Variants in LRRTM3 observed in about 807,000 individuals in gnomAD.
LRRTM3 encodes the protein leucine rich repeat transmembrane neuronal 3.
Under a neutral mutation model 44.7 loss-of-function variants are expected in LRRTM3, and 24 were observed. The ratio of observed to expected loss-of-function variants is 0.54; its 90% CI spans 0.39 to 0.76. The LOEUF (loss-of-function observed/expected upper bound fraction) is 0.76, where lower values mean the gene tolerates loss of function less well. Ranked by LOEUF, LRRTM3 falls within the 30% of genes least tolerant of loss-of-function variation. The pLI is 0.00. For synonymous variants in LRRTM3, 277 were observed against 278.7 expected, an observed-to-expected ratio of 0.99 and a Z score of 0.06; for missense variants, 587 against 702.2, an observed-to-expected ratio of 0.84 and a Z score of 1.85.
In LRRTM3 at chr10:67,098,011, G is replaced by C. The variant is rs1469451350; in HGVS notation, c.*215G>C. 3 of 561,844 alleles carry C rather than the reference G, an allele frequency of 5.3e-6. No individual in the cohort carries two copies. The highest frequency in any genetic ancestry group is 6.2e-5 in the Admixed American group (2 of 32,082). 34.8% of individuals were successfully genotyped at this position (561,844 alleles called of 1,614,324 possible). ...TTAGCTAAGTTGTGCAGTATTTTTTGACTTAAACAGAGTATGACCCTGAAA... is the reference window on the plus strand; with the variant it reads ...TTAGCTAAGTTGTGCAGTATTTTTTCACTTAAACAGAGTATGACCCTGAAA... On this transcript the variant is annotated 3_prime_UTR_variant, in exon 3 of 3. Transcript: ENST00000361320.
intron 2 of LRRTM3, among the ~76,000 whole-genome samples, chr10:67,048,659 T>C (rs1425107817): frequency 6.6e-6 from 1 of 152,094 alleles, no homozygotes; most frequent in African/African-American, 2.4e-5. Context: ...CAGAAAACCC[T>C]ATGACGCACT....
At chr10:67,000,049 G>A (rs12779109) in intron 2 of LRRTM3, among the ~76,000 whole-genome samples, 79,467 of 151,842 alleles carry the variant, frequency 0.52, 21,453 homozygotes, top group Middle Eastern at 0.73. Context: ...AACTACTGAA[G>A]CTTTAGTATA....
At chr10:67,060,343 A>G (rs548499399) in intron 2 of LRRTM3, among the ~76,000 whole-genome samples, 1 of 152,232 alleles carries the variant, frequency 6.6e-6, no homozygotes, top group African/African-American at 2.4e-5. Context: ...AAATTCTGTA[A>G]ATGTATACAA....
At chr10:66,993,995 T>C (rs554993269) in intron 2 of LRRTM3, among the ~76,000 whole-genome samples, 36 of 152,298 alleles carry the variant, frequency 2.4e-4, no homozygotes, top group African/African-American at 8.4e-4. Context: ...AGCAGGACAA[T>C]GTAACTTGGT....
At position 67,001,264 on chromosome 10, in the gene LRRTM3, GC is replaced by G. The variant is rs201784996; in HGVS notation, c.1536+72813del. ...TGCAGTGAGCCGAGATGGAGCCACT[GC>G]ACTCCAGCCTGACGACAGAGTGAGA... On this transcript the variant is annotated intron_variant, in intron 2 of 2. Transcript: ENST00000361320. 1.5e-3 allele frequency among the ~76,000 whole-genome samples: 213 copies of G among 146,896 alleles called. 3 individuals are homozygous for G. The highest frequency in any genetic ancestry group is 0.011 in the Admixed American group (156 of 14,490).
chr10:67,021,579 T>C (rs551294793), intron 2 of LRRTM3, among the ~76,000 whole-genome samples: 3 of 152,150 alleles, frequency 2.0e-5, no homozygotes, highest in South Asian at 4.1e-4. Flanking sequence ...ATTATAATCA[T>C]GAAAGTTATG....
At chr10:66,961,819 C>T (rs7901288) in intron 2 of LRRTM3, among the ~76,000 whole-genome samples, 34,153 of 151,940 alleles carry the variant, frequency 0.22, 4,368 homozygotes, top group Middle Eastern at 0.32. Flanking sequence ...TGATCTTCAC[C>T]TCCACTCCCT....
At position 66,937,140 on chromosome 10, in the gene LRRTM3, T is replaced by G. The variant is rs535268403; in HGVS notation, c.1536+8688T>G. ...TACAAAGTCTTTCTCCTTAAATTTT[T>G]TTCATGGAGAGACAACTTTGTATAC... On this transcript the variant is annotated intron_variant, in intron 2 of 2. Coordinates refer to ENST00000361320, the MANE Select transcript of LRRTM3 (RefSeq NM_178011.5). 2.0e-5 allele frequency among the ~76,000 whole-genome samples: 3 copies of G among 152,262 alleles called. No homozygotes were observed. In the South Asian group the frequency reaches 6.2e-4, roughly 32 times the overall value.
chr10:66,939,142 A>C (rs1316328230), intron 2 of LRRTM3, among the ~76,000 whole-genome samples: 1 of 152,090 alleles, frequency 6.6e-6, no homozygotes, highest in African/African-American at 2.4e-5. Flanking sequence ...GGCCTCCAAC[A>C]CTCAGAAGCT....
At position 66,926,451 on chromosome 10, in the gene LRRTM3, C is replaced by A; in HGVS notation, c.-133C>A. ...AATGTTCCAAAATCGGTCCATCTCC[C>A]AAGGGGTCCAATTTTTCTTCCTGGG... On this transcript the variant is annotated 5_prime_UTR_variant, in exon 1 of 3. Transcript: ENST00000361320. 1.0e-6 allele frequency: 1 copy of A among 979,546 alleles called. No homozygotes were observed. Among genetic ancestry groups the A allele is most frequent in the Non-Finnish European group, 1.6e-6 (1 of 628,678 alleles). The allele number at this position is 979,546 out of a possible 1,614,324, so 60.7% of individuals were successfully genotyped here.
At chr10:67,050,612 C>T (rs1029902744) in intron 2 of LRRTM3, among the ~76,000 whole-genome samples, 36 of 152,156 alleles carry the variant, frequency 2.4e-4, no homozygotes, top group Non-Finnish European at 4.3e-4. Flanking sequence ...TCTCTCTAGG[C>T]TCTTTGGTAC....
chr10:67,033,895 C>T (rs1853883849), intron 2 of LRRTM3, among the ~76,000 whole-genome samples: 1 of 152,126 alleles, frequency 6.6e-6, no homozygotes, highest in Admixed American at 6.5e-5. Flanking sequence ...ACTCAGCCTC[C>T]CTAATAGCTG....
At chr10:67,060,087 G>C (rs1269921959) in intron 2 of LRRTM3, among the ~76,000 whole-genome samples, 1 of 152,054 alleles carries the variant, frequency 6.6e-6, no homozygotes, top group Non-Finnish European at 1.5e-5. Flanking sequence ...ATGCCAGGGC[G>C]GGTGGATCAC....
intron 2 of LRRTM3, among the ~76,000 whole-genome samples, chr10:67,007,629 C>T (rs560373490): frequency 6.6e-6 from 1 of 151,922 alleles, no homozygotes; most frequent in Non-Finnish European, 1.5e-5. Flanking sequence ...GAAACCCTTG[C>T]CAGTGTTTCC....
intron 2 of LRRTM3, among the ~76,000 whole-genome samples, chr10:67,038,104 A>G (rs923737713): frequency 6.6e-6 from 1 of 152,102 alleles, no homozygotes; most frequent in African/African-American, 2.4e-5. Context: ...ATTTAATAGT[A>G]CTGTTTATAT....
intron 2 of LRRTM3, among the ~76,000 whole-genome samples, chr10:67,006,878 C>T (rs1181859279): frequency 3.3e-5 from 5 of 152,080 alleles, no homozygotes; most frequent in African/African-American, 1.2e-4. Flanking sequence ...ACTGACACCT[C>T]TACTTCCCGG....
At chr10:66,959,063 G>A (rs959813853) in intron 2 of LRRTM3, among the ~76,000 whole-genome samples, 13 of 152,154 alleles carry the variant, frequency 8.5e-5, no homozygotes, top group South Asian at 6.2e-4. Context: ...CCTGCCAAGC[G>A]CTGGTATCCA....
chr10:66,930,075 G>T (rs544053727), intron 2 of LRRTM3, among the ~76,000 whole-genome samples: 3 of 152,058 alleles, frequency 2.0e-5, no homozygotes, highest in East Asian at 1.9e-4. Context: ...TATTGTTTGG[G>T]GGTTTTTCAT....
chr10:67,070,618 G>A (rs1324341925), intron 2 of LRRTM3, among the ~76,000 whole-genome samples: 1 of 151,970 alleles, frequency 6.6e-6, no homozygotes, highest in African/African-American at 2.4e-5. Flanking sequence ...ATGGTGGCGT[G>A]TGCCTGTCTT....
Sources: allele counts gnomAD v4.1 joint callset (sites outside exome capture counted in the v4.1 genomes callset), GRCh38; gene constraint gnomAD v4.1.1; transcripts MANE v1.5; gene names NCBI Gene and HGNC (gene_info 2026-07-23, HGNC 2026-07-21).